The following GXYLT1 variants were observed in gnomAD, a reference collection of about 807,000 sequenced individuals.
GXYLT1 encodes glycosyltransferase 8 domain containing 3.
A neutral mutation model predicts 54.0 loss-of-function variants in GXYLT1; 29 were observed. The ratio of observed to expected loss-of-function variants is 0.54; its 90% CI spans 0.40 to 0.73. The LOEUF is 0.73. Among genes scored for constraint, GXYLT1 ranks in the 30% least tolerant of loss-of-function variants. GXYLT1 has a pLI of 0.00. For missense variants in GXYLT1, 490 were observed against 553.4 expected (o/e 0.89, Z 1.15); for synonymous variants, 176 against 204.1 (o/e 0.86, Z 1.17).
chr12:42,136,167 G>GA (rs1383138171), intron 1 of GXYLT1, among the ~76,000 whole-genome samples: 5 of 152,292 alleles, frequency 3.3e-5, no homozygotes, highest in Non-Finnish European at 7.4e-5. Context: ...AACTCACACT[G>GA]AGAACTTATG....
rs202228840 is a variant in GXYLT1, at chr12:42,087,691, G to A, written c.*95C>T. On this transcript the variant is annotated 3_prime_UTR_variant, in exon 8 of 8. Coordinates refer to ENST00000398675, the MANE Select transcript of GXYLT1 (RefSeq NM_173601.2). Reference sequence around the variant, plus strand: ...AAAAAAAAAATTATTCTGGAGATGAGTAATTCCTTCCTGAATACTTCATCC... The same window carrying A: ...AAAAAAAAAATTATTCTGGAGATGAATAATTCCTTCCTGAATACTTCATCC... 1 of 854,084 alleles carries A rather than the reference G, an allele frequency of 1.2e-6. No individual in the cohort carries two copies. The highest frequency in any genetic ancestry group is 1.8e-6 in the Non-Finnish European group (1 of 570,890). The allele number at this position is 854,084 out of a possible 1,614,324, so 52.9% of individuals were successfully genotyped here.
intron 7 of GXYLT1, among the ~76,000 whole-genome samples, chr12:42,097,169 T>TAA (rs535399351): frequency 6.8e-6 from 1 of 146,506 alleles, no homozygotes; most frequent in Non-Finnish European, 1.5e-5. Flanking sequence ...ATTCTTAGTT[T>TAA]AAAAAAAAAA....
At chr12:42,141,474 G>T (rs1156614031) in intron 1 of GXYLT1, among the ~76,000 whole-genome samples, 1 of 151,838 alleles carries the variant, frequency 6.6e-6, no homozygotes, top group Admixed American at 6.6e-5. Context: ...TGTACAGCCT[G>T]ATGACTATAG....
chr12:42,109,650 T>C lies in GXYLT1; in HGVS notation c.528A>G (p.Leu176=). 2.5e-6 allele frequency: 4 copies of C among 1,571,778 alleles called. No homozygotes were observed. The highest frequency in any genetic ancestry group is 3.5e-6 in the Non-Finnish European group (4 of 1,152,528). Residue 176 remains leucine (L), a synonymous_variant, in exon 4 of 8, where the codon TTA becomes TTG. Transcript: ENST00000398675. ...TCTCACTTGGAAAGGTTATGGGGTA[T>C]AACGTATAATTAAATGTTTGTAGAA... ...WSFLQTFNYT[L]YPITFPSENA... is the part of the protein sequence containing the mutation.
chr12:42,095,299 A>AAT lies in GXYLT1; in HGVS notation c.1161+2141_1161+2142dup, dbSNP rs569307452. Among the ~76,000 whole-genome samples, 18 of 151,984 alleles carry AAT rather than the reference A, an allele frequency of 1.2e-4. No homozygotes were observed. In the East Asian group the frequency reaches 2.1e-3, roughly 18 times the overall value. ...TGAAGATTCACCTTCCAACAATACA[A>AAT]ATATATATATATGACACAGCTAACT... On this transcript the variant is annotated intron_variant, in intron 7 of 7. Transcript: ENST00000398675.
chr12:42,121,836 C>T (rs2065533325), intron 2 of GXYLT1, among the ~76,000 whole-genome samples: 1 of 151,956 alleles, frequency 6.6e-6, no homozygotes, highest in Admixed American at 6.6e-5. Context: ...ATATACAGTA[C>T]AGGCTCAACT....
chr12:42,127,786 G>A (rs115494599), intron 2 of GXYLT1, among the ~76,000 whole-genome samples: 2,363 of 152,230 alleles, frequency 0.016, 65 homozygotes, highest in African/African-American at 0.054. Context: ...GCAAATATTC[G>A]TAAGAATGAA....
At chr12:42,107,547 C>A (rs565954322) in intron 4 of GXYLT1, among the ~76,000 whole-genome samples, 3 of 152,186 alleles carry the variant, frequency 2.0e-5, no homozygotes, top group South Asian at 4.1e-4. Context: ...AAAAATTAGC[C>A]AGGTGTGGTG....
At chr12:42,119,220 C>T in intron 2 of GXYLT1, 49 bp from the exon 3 acceptor site, 1 of 1,452,304 alleles carries the variant, frequency 6.9e-7, no homozygotes, top group Non-Finnish European at 9.6e-7. Flanking sequence ...TATATGTTTA[C>T]AATGTGTACT....
Position 42,134,691 on chromosome 12 carries a change from G to A in GXYLT1, c.222-4840C>T, listed in dbSNP as rs568875907. Among the ~76,000 whole-genome samples, 42 of 152,122 alleles carry A rather than the reference G, an allele frequency of 2.8e-4. 1 individual carries two copies. Among genetic ancestry groups the A allele is most frequent in the South Asian group, 6.2e-4 (3 of 4,822 alleles). On this transcript the variant is annotated intron_variant, in intron 1 of 7. Coordinates refer to ENST00000398675, the MANE Select transcript of GXYLT1 (RefSeq NM_173601.2). ...CAAACTTCCACCTTCTTCTTTCACC[G>A]TACCTTTTCAGCACAATCTTCAGTT... is the stretch of plus-strand genomic sequence containing the variant.
At chr12:42,095,071 A>C (rs2065348243) in intron 7 of GXYLT1, among the ~76,000 whole-genome samples, 1 of 152,242 alleles carries the variant, frequency 6.6e-6, no homozygotes, top group African/African-American at 2.4e-5. Context: ...CACTCGTAAG[A>C]GAAATGCAAA....
rs2065284770 is a variant in GXYLT1, at chr12:42,085,435, G to A, written c.*2351C>T. On this transcript the variant is annotated 3_prime_UTR_variant, in exon 8 of 8. Coordinates refer to ENST00000398675, the MANE Select transcript of GXYLT1 (RefSeq NM_173601.2). Reference sequence around the variant, plus strand: ...GGGGCTGAGATTCTCCGTTCACTGAGGAAATTTTATCTTATCAAACTTACT... The same window carrying A: ...GGGGCTGAGATTCTCCGTTCACTGAAGAAATTTTATCTTATCAAACTTACT... 1 of 152,264 alleles carries A rather than the reference G, an allele frequency of 6.6e-6. No homozygotes were observed. Among genetic ancestry groups the A allele is most frequent in the Admixed American group, 6.5e-5 (1 of 15,292 alleles). The allele number at this position is 152,264 out of a possible 1,614,324, so 9.4% of individuals were successfully genotyped here. A position where few individuals can be genotyped will look rare whatever the true frequency, so the allele number is the denominator to read the frequency against.
At chr12:42,123,071 C>G (rs1592120190) in intron 2 of GXYLT1, among the ~76,000 whole-genome samples, 1 of 152,132 alleles carries the variant, frequency 6.6e-6, no homozygotes, top group South Asian at 2.1e-4. Context: ...CCAATAACAG[C>G]ACCCCTTTTC....
chr12:42,122,746 C>T (rs2065538524), intron 2 of GXYLT1, among the ~76,000 whole-genome samples: 1 of 152,068 alleles, frequency 6.6e-6, no homozygotes, highest in Non-Finnish European at 1.5e-5. Flanking sequence ...ACCATTGTAA[C>T]AGATAATCTG....
chr12:42,121,065 A>G (rs959632260), intron 2 of GXYLT1, among the ~76,000 whole-genome samples: 1 of 152,184 alleles, frequency 6.6e-6, no homozygotes, highest in African/African-American at 2.4e-5. Context: ...CACAATGACA[A>G]GTTAAAAACT....
At chr12:42,090,916 C>T (rs1276468755) in intron 7 of GXYLT1, among the ~76,000 whole-genome samples, 1 of 152,162 alleles carries the variant, frequency 6.6e-6, no homozygotes, top group African/African-American at 2.4e-5. Context: ...CATTTTTATT[C>T]ACTCAACAAC....
At chr12:42,110,209 A>T (rs2065444985) in intron 3 of GXYLT1, among the ~76,000 whole-genome samples, 1 of 152,240 alleles carries the variant, frequency 6.6e-6, no homozygotes, top group South Asian at 2.1e-4. Context: ...AATTTTTTAA[A>T]AATTATTACA....
intron 3 of GXYLT1, 105 bp downstream of exon 3, chr12:42,118,895 G>A (rs2065512697): frequency 2.5e-6 from 2 of 811,008 alleles, no homozygotes; most frequent in South Asian, 2.3e-5. Flanking sequence ...CCAAGTCTCA[G>A]GTAGTTATTT....
In GXYLT1 at chr12:42,142,462, A is replaced by C. The variant is rs187902884; in HGVS notation, c.221+1964T>G. On this transcript the variant is annotated intron_variant, in intron 1 of 7. Coordinates refer to ENST00000398675, the MANE Select transcript of GXYLT1 (RefSeq NM_173601.2). ...AGTGATCCTCCCACCTTAGCCTCCC[A>C]AAGTGCTGGGATTACAGGTGTGAAA... is the stretch of plus-strand genomic sequence containing the variant. 3.9e-3 allele frequency among the ~76,000 whole-genome samples: 593 copies of C among 151,770 alleles called. 4 individuals carry two copies. The highest frequency in any genetic ancestry group is 0.014 in the African/African-American group (577 of 41,314).
Sources: gnomAD v4.1 joint callset for allele counts (sites outside exome capture counted in the v4.1 genomes callset) on GRCh38, gnomAD v4.1.1 for gene constraint, MANE v1.5 for transcripts, NCBI Gene and HGNC (gene_info 2026-07-23, HGNC 2026-07-21) for gene names.